The following ZCCHC4 variants were observed in gnomAD, a reference collection of about 807,000 sequenced individuals.
ZCCHC4 encodes the protein rRNA N(6)-adenosine-methyltransferase ZCCHC4.
Under a neutral mutation model 67.7 loss-of-function variants are expected in ZCCHC4, and 54 were observed. That is an observed-to-expected ratio of 0.80 (90% CI 0.64 to 1.00). The LOEUF (loss-of-function observed/expected upper bound fraction) is 1.00. Among genes scored for constraint, ZCCHC4 ranks in the 50% least tolerant of loss-of-function variants. The probability of loss-of-function intolerance (pLI) is 0.00; values close to 1 mark genes in which losing one functional copy is unlikely to be tolerated. For synonymous variants in ZCCHC4, 198 were observed against 213.5 expected, an observed-to-expected ratio of 0.93 and a Z score of 0.63; for missense variants, 609 against 617.0, an observed-to-expected ratio of 0.99 and a Z score of 0.14.
intron 3 of ZCCHC4, among the ~76,000 whole-genome samples, chr4:25,325,040 G>A (rs1425996094): frequency 6.6e-6 from 1 of 151,428 alleles, no homozygotes; most frequent in African/African-American, 2.4e-5. Flanking sequence ...TCAGGAGATC[G>A]AGACCATCCT....
At chr4:25,346,097 C>G (rs775772983) in intron 6 of ZCCHC4, among the ~76,000 whole-genome samples, 2 of 152,128 alleles carry the variant, frequency 1.3e-5, no homozygotes, top group Non-Finnish European at 2.9e-5. Context: ...CCCCTACTCC[C>G]CAAAGGGTCA....
At chr4:25,323,047 C>T (rs1254976276) in intron 3 of ZCCHC4, among the ~76,000 whole-genome samples, 1 of 152,158 alleles carries the variant, frequency 6.6e-6, no homozygotes, top group Non-Finnish European at 1.5e-5. Context: ...TTTGGTTGTT[C>T]CTTTTTGTGA....
intron 12 of ZCCHC4, chr4:25,365,861 T>A: frequency 1.0e-6 from 1 of 985,388 alleles, no homozygotes; most frequent in Non-Finnish European, 1.2e-6. Context: ...ACCGAGCTAA[T>A]TTGAATGATT....
intron 3 of ZCCHC4, among the ~76,000 whole-genome samples, chr4:25,318,948 C>T (rs1466964846): frequency 6.6e-6 from 1 of 152,118 alleles, no homozygotes; most frequent in Non-Finnish European, 1.5e-5. Flanking sequence ...CCTAGTCATT[C>T]ATTCACTCAT....
At position 25,317,953 on chromosome 4, in the gene ZCCHC4, T is replaced by G. The variant is rs116918980; in HGVS notation, c.329+2553T>G. Among the ~76,000 whole-genome samples the G allele has an allele frequency of 6.6e-4, 100 of 152,288 alleles. No homozygotes were observed. The East Asian group carries it at 0.019, about 29-fold the overall frequency. On this transcript the variant is annotated intron_variant, in intron 3 of 12. Transcript: ENST00000302874. ...TGTAAAAGCAGATAGTAATATATGA[T>G]GCATAGTGATTTAATTTGAGGATAC... is the stretch of plus-strand genomic sequence containing the variant.
At chr4:25,345,880 C>G (rs767931457) in intron 6 of ZCCHC4, among the ~76,000 whole-genome samples, 5 of 152,158 alleles carry the variant, frequency 3.3e-5, no homozygotes, top group African/African-American at 9.7e-5. Flanking sequence ...GATCTGACCC[C>G]GATTTCCACT....
intron 3 of ZCCHC4, among the ~76,000 whole-genome samples, chr4:25,323,073 C>A (rs531917216): frequency 1.3e-5 from 2 of 152,146 alleles, no homozygotes; most frequent in African/African-American, 2.4e-5. Flanking sequence ...AGATTAATCA[C>A]GTGTTCAGGT....
chr4:25,358,624 ACTAT>A (rs1720602946), intron 8 of ZCCHC4, among the ~76,000 whole-genome samples: 1 of 152,250 alleles, frequency 6.6e-6, no homozygotes, highest in Admixed American at 6.5e-5. Flanking sequence ...CTTGTTAAAT[ACTAT>A]CTAAGAGAGA....
At chr4:25,348,580 G>A (rs1398447633) in intron 6 of ZCCHC4, among the ~76,000 whole-genome samples, 1 of 152,100 alleles carries the variant, frequency 6.6e-6, no homozygotes, top group Non-Finnish European at 1.5e-5. Context: ...AACTATTTAT[G>A]TATCATTTAC....
intron 8 of ZCCHC4, among the ~76,000 whole-genome samples, chr4:25,361,467 A>G (rs967374093): frequency 1.3e-5 from 2 of 152,200 alleles, no homozygotes; most frequent in African/African-American, 2.4e-5. Context: ...TTATATAACC[A>G]CGCCATGTGA....
At chr4:25,368,911 A>C in intron 12 of ZCCHC4, 118 bp from the exon 13 acceptor site, 1 of 1,228,884 alleles carries the variant, frequency 8.1e-7, no homozygotes, top group Non-Finnish European at 1.1e-6. Flanking sequence ...CTTGCAATAC[A>C]GTAGATTCTT....
Position 25,359,570 on chromosome 4 carries a change from C to T in ZCCHC4, c.1012-2289C>T, listed in dbSNP as rs945148984. ...GTGCCACAAAGAAGGGAAAGATGCC[C>T]CACCTGCAGGGGTGCCCCCAATGGG... On this transcript the variant is annotated intron_variant, in intron 8 of 12. Coordinates refer to ENST00000302874, the MANE Select transcript of ZCCHC4 (RefSeq NM_024936.3). The surrounding 1 kb of genome is among the most constrained non-coding windows in gnomAD (Gnocchi z 4.9). Among the ~76,000 whole-genome samples, 3 of 152,178 alleles carry T rather than the reference C, an allele frequency of 2.0e-5. No homozygotes were observed. The highest frequency in any genetic ancestry group is 7.2e-5 in the African/African-American group (3 of 41,436).
chr4:25,341,648 C>T (rs956172819), intron 5 of ZCCHC4, among the ~76,000 whole-genome samples: 2 of 152,172 alleles, frequency 1.3e-5, no homozygotes, highest in East Asian at 1.9e-4. Flanking sequence ...TCTTTTATAG[C>T]AATGCAAAAT....
intron 5 of ZCCHC4, among the ~76,000 whole-genome samples, chr4:25,338,412 T>C (rs1291763401): frequency 2.0e-5 from 3 of 152,162 alleles, no homozygotes. Context: ...TTTTTTAAAA[T>C]TGAGATATAT....
intron 5 of ZCCHC4, among the ~76,000 whole-genome samples, 184 bp from the exon 6 acceptor site, chr4:25,345,364 A>G (rs1406969558): frequency 1.3e-5 from 2 of 152,190 alleles, no homozygotes; most frequent in Non-Finnish European, 2.9e-5. Context: ...ACATGGGAAA[A>G]TCACTTAAGT....
intron 12 of ZCCHC4, among the ~76,000 whole-genome samples, chr4:25,368,422 G>A (rs888726027): frequency 6.6e-6 from 1 of 152,224 alleles, no homozygotes; most frequent in South Asian, 2.1e-4. Flanking sequence ...GTGTGGTTCA[G>A]TGTTTTCAGA....
chr4:25,323,908 C>T (rs995542540), intron 3 of ZCCHC4, among the ~76,000 whole-genome samples: 3 of 152,030 alleles, frequency 2.0e-5, no homozygotes, highest in African/African-American at 7.2e-5. Flanking sequence ...CCCTGCACCC[C>T]TAGGGTCCCC....
At chr4:25,314,209 T>G (rs763823789) in intron 2 of ZCCHC4, 45 bp downstream of exon 2, 1 of 1,323,460 alleles carries the variant, frequency 7.6e-7, no homozygotes, top group Non-Finnish European at 1.1e-6. Flanking sequence ...TTGGTATGTG[T>G]GACAATTTTG....
chr4:25,318,836 T>C (rs1263042740), intron 3 of ZCCHC4, among the ~76,000 whole-genome samples: 1 of 152,182 alleles, frequency 6.6e-6, no homozygotes, highest in Non-Finnish European at 1.5e-5. Flanking sequence ...GTGCTAATTC[T>C]TGCCAGTATG....
Sources: allele counts gnomAD v4.1 joint callset (sites outside exome capture counted in the v4.1 genomes callset), GRCh38; gene constraint gnomAD v4.1.1; non-coding constraint Gnocchi (gnomAD v3.1); transcripts MANE v1.5; gene names NCBI Gene and HGNC (gene_info 2026-07-23, HGNC 2026-07-21).